Variants in ALKBH7 observed in about 807,000 individuals in gnomAD.
ALKBH7 encodes the protein RNA demethylase ALKBH7, mitochondrial.
In ALKBH7, 21 loss-of-function variants were observed where a neutral mutation model predicts 19.3. That is an observed-to-expected ratio of 1.09 (90% CI 0.77 to 1.56). The LOEUF (loss-of-function observed/expected upper bound fraction) is 1.56. Ranked by LOEUF, ALKBH7 falls within the 40% of genes most tolerant of loss-of-function variation. The pLI is 0.00. For synonymous variants in ALKBH7, 147 were observed against 139.5 expected, an observed-to-expected ratio of 1.05 and a Z score of -0.38; for missense variants, 354 against 311.4, an observed-to-expected ratio of 1.14 and a Z score of -1.03.
chr19:6,373,580 C>T, intron 1 of ALKBH7: 1 of 1,047,300 alleles, frequency 9.5e-7, no homozygotes, highest in Non-Finnish European at 1.2e-6. Context: ...ATGGATGGGG[C>T]GGGGCCAAGC....
In ALKBH7 at chr19:6,373,014, A is replaced by T; in HGVS notation, c.194A>T (p.His65Leu). The stretch of plus-strand genomic sequence containing the variant: ...CGCCGCCGCCGCTACGAATACGATC[A>T]CTGGGACGCGGTGAGACCGGCAGCG... The part of the protein sequence containing the change: ...ELRRRRYEYD[H>L]WDAAIHGFRE... Residue 65 changes from histidine to leucine, a missense_variant, in exon 1 of 4, where the codon CAC becomes CTC. Physicochemically the swap from His to Leu is moderately conservative, Grantham distance 99. Transcript: ENST00000245812. 6.4e-7 allele frequency: 1 copy of T among 1,570,200 alleles called. No individual in the cohort carries two copies. Among genetic ancestry groups the T allele is most frequent in the Non-Finnish European group, 8.6e-7 (1 of 1,160,416 alleles).
chr19:6,374,025 C>G (rs2145062322), intron 1 of ALKBH7, 178 bp from the exon 2 acceptor site: 1 of 985,202 alleles, frequency 1.0e-6, no homozygotes, highest in East Asian at 1.1e-4. Flanking sequence ...AGGGTGAGTA[C>G]TAAGGACTGA....
chr19:6,373,029 G>T lies in ALKBH7; in HGVS notation c.204+5G>T. On this transcript the variant is annotated splice_donor_5th_base_variant and intron_variant, in intron 1 of 3. Coordinates refer to ENST00000245812, the MANE Select transcript of ALKBH7 (RefSeq NM_032306.4). ...GAATACGATCACTGGGACGCGGTGA[G>T]ACCGGCAGCGCCGGGGGCGAGGGAC... 1 of 1,558,364 alleles carries T rather than the reference G, an allele frequency of 6.4e-7. No individual in the cohort carries two copies. Among genetic ancestry groups the T allele is most frequent in the Non-Finnish European group, 8.7e-7 (1 of 1,154,268 alleles).
intron 1 of ALKBH7, 23 bp from the exon 2 acceptor site, chr19:6,374,180 G>A (rs370169468): frequency 3.7e-6 from 6 of 1,604,876 alleles, no homozygotes; most frequent in Non-Finnish European, 5.1e-6. Context: ...GAGCTCCCAG[G>A]CTTAACCGAG....
rs761707148 is a variant in ALKBH7, at chr19:6,374,861, CCTT to C, written c.558_560del (p.Phe187del). ...CATGAGATCCTTCGGGATGAAGAGT[CCTT>C]CTTTGGGGAACGCCGGATTCCCCGG... On this transcript the variant is annotated inframe_deletion, in exon 4 of 4. Coordinates refer to ENST00000245812, the MANE Select transcript of ALKBH7 (RefSeq NM_032306.4). 1.1e-5 allele frequency: 18 copies of C among 1,613,998 alleles called. No individual in the cohort carries two copies. The highest frequency in any genetic ancestry group is 9.3e-5 in the African/African-American group (7 of 74,942).
chr19:6,374,089 G>T, intron 1 of ALKBH7, 114 bp from the exon 2 acceptor site: 1 of 1,554,320 alleles, frequency 6.4e-7, no homozygotes, highest in Non-Finnish European at 8.7e-7. Context: ...TGAGTTGAGG[G>T]CAGGGTCAAG....
chr19:6,373,644 G>T (rs565216357), intron 1 of ALKBH7: 3 of 1,250,118 alleles, frequency 2.4e-6, no homozygotes, highest in East Asian at 3.2e-5. Context: ...CCATGCTGTG[G>T]GGGGGACGGG....
chr19:6,373,030 A>AC lies in ALKBH7; in HGVS notation c.204+8dup, dbSNP rs1364508709. On this transcript the variant is annotated splice_region_variant and intron_variant, in intron 1 of 3. Coordinates refer to ENST00000245812, the MANE Select transcript of ALKBH7 (RefSeq NM_032306.4). Reference sequence around the variant, plus strand: ...AATACGATCACTGGGACGCGGTGAGACCGGCAGCGCCGGGGGCGAGGGACG... The same window carrying AC: ...AATACGATCACTGGGACGCGGTGAGACCCGGCAGCGCCGGGGGCGAGGGACG... 4.3e-5 allele frequency: 67 copies of AC among 1,557,946 alleles called. No individual in the cohort carries two copies. In the Admixed American group the frequency reaches 6.5e-4, roughly 15 times the overall value.
In ALKBH7 at chr19:6,374,467, C is replaced by T. The variant is rs2145063122; in HGVS notation, c.381C>T (p.Phe127=). The T allele has an allele frequency of 6.2e-7, 1 of 1,613,654 alleles. No homozygotes were observed. The stretch of plus-strand genomic sequence containing the variant: ...CCATCCCCACGCCTCTTTTGCAGTT[C>T]TGCGGGGCCACCATCGCCGGCCTGT... The part of the protein sequence containing the change: ...YIKPHVDSIK[F]CGATIAGLSL... Residue 127 remains phenylalanine (F), a splice_region_variant and synonymous_variant, in exon 3 of 4, where the codon TTC becomes TTT. Coordinates refer to ENST00000245812, the MANE Select transcript of ALKBH7 (RefSeq NM_032306.4).
chr19:6,373,743 G>A, intron 1 of ALKBH7: 1 of 1,261,784 alleles, frequency 7.9e-7, no homozygotes, highest in Non-Finnish European at 9.9e-7. Context: ...TTTTGGGGTC[G>A]GTAGCTATTG....
chr19:6,373,647 G>C (rs1021778634), intron 1 of ALKBH7: 2 of 1,250,116 alleles, frequency 1.6e-6, no homozygotes, highest in African/African-American at 3.1e-5. Flanking sequence ...TGCTGTGGGG[G>C]GGACGGGGAA....
rs1172272489 is a variant in ALKBH7, at chr19:6,374,382, C to T, written c.378+6C>T. On this transcript the variant is annotated splice_donor_region_variant and intron_variant, in intron 2 of 3. Transcript: ENST00000245812. ...CCCACGTGGACAGCATCAAGGTGGG[C>T]AGAGGACGGTGCCTTGGCACTCCCA... 4.4e-6 allele frequency: 7 copies of T among 1,606,004 alleles called. No individual in the cohort carries two copies. The highest frequency in any genetic ancestry group is 6.0e-6 in the Non-Finnish European group (7 of 1,175,674).
At chr19:6,373,454 C>T in intron 1 of ALKBH7, 1 of 212,530 alleles carries the variant, frequency 4.7e-6, no homozygotes, top group Non-Finnish European at 7.3e-6. Context: ...CGCAGTCGAG[C>T]GTGGGGGTGG....
rs769699986 is a variant in ALKBH7 at position 6,374,308 on chromosome 19, C to T, written c.310C>T (p.Leu104Phe). ...CGCCTTTGGCCCCGGCCAGACCCTG[C>T]TCTCCTCCGTGCACGTGCTGGACCT... is the stretch of plus-strand genomic sequence containing the variant. ...AAAFGPGQTLLSSVHVLDLEA... is the reference protein window; with the variant it reads ...AAAFGPGQTLFSSVHVLDLEA... The change falls in exon 2 of 4, where the codon CTC (leucine) becomes TTC (phenylalanine). Residue 104 changes from leucine (L) to phenylalanine (F), a missense_variant. Coordinates refer to ENST00000245812, the MANE Select transcript of ALKBH7 (RefSeq NM_032306.4). 4 of 1,613,072 alleles carry T rather than the reference C, an allele frequency of 2.5e-6. No individual in the cohort carries two copies. The East Asian group carries it at 8.9e-5, about 36-fold the overall frequency.
At position 6,374,377 on chromosome 19, in the gene ALKBH7, G is replaced by T; in HGVS notation, c.378+1G>T. 2.5e-6 allele frequency: 4 copies of T among 1,607,092 alleles called. No individual in the cohort carries two copies. Among genetic ancestry groups the T allele is most frequent in the Non-Finnish European group, 3.4e-6 (4 of 1,176,438 alleles). On this transcript the variant is annotated splice_donor_variant, in intron 2 of 3. Transcript: ENST00000245812. LOFTEE classifies it high-confidence loss of function. ...CAAGCCCCACGTGGACAGCATCAAG[G>T]TGGGCAGAGGACGGTGCCTTGGCAC...
chr19:6,374,524 G>A lies in ALKBH7; in HGVS notation c.438G>A (p.Val146=). ...SLLSPSVMRL[V]HTQEPGEWLE... ...TGTCTCCCAGCGTTATGCGGCTGGT[G>A]CACACCCAGGAGCCGGGGGAGTGGC... The change falls in exon 3 of 4, where the codon GTG becomes GTA. Residue 146 remains valine (V), a synonymous_variant. Coordinates refer to ENST00000245812, the MANE Select transcript of ALKBH7 (RefSeq NM_032306.4). The A allele has an allele frequency of 6.2e-7, 1 of 1,614,018 alleles. No individual in the cohort carries two copies. Among genetic ancestry groups the A allele is most frequent in the Non-Finnish European group, 8.5e-7 (1 of 1,179,966 alleles).
At chr19:6,373,685 G>A in intron 1 of ALKBH7, 1 of 1,249,944 alleles carries the variant, frequency 8.0e-7, no homozygotes, top group Non-Finnish European at 1.0e-6. Context: ...GCAGAACCAC[G>A]CTGGGGGCGG....
chr19:6,373,381 GGGGC>G (rs2091901985), intron 1 of ALKBH7: 1 of 459,396 alleles, frequency 2.2e-6, no homozygotes, highest in South Asian at 3.4e-5. Context: ...GGCCACGCTG[GGGGC>G]GGGGACAGTG....
rs368491544 is a variant in ALKBH7 at position 6,374,975 on chromosome 19, C to T, written c.*2C>T. 1.0e-4 allele frequency: 162 copies of T among 1,588,644 alleles called. No individual in the cohort carries two copies. The highest frequency in any genetic ancestry group is 1.3e-4 in the Non-Finnish European group (157 of 1,164,924). On this transcript the variant is annotated 3_prime_UTR_variant, in exon 4 of 4. Coordinates refer to ENST00000245812, the MANE Select transcript of ALKBH7 (RefSeq NM_032306.4). ...GGACAGCCGCCCCCAGCCTGCTGAC[C>T]CCCAGCTTTCTACAGACACCAGATT...
Sources: gnomAD v4.1 joint callset for allele counts on GRCh38, gnomAD v4.1.1 for gene constraint, MANE v1.5 for transcripts, NCBI Gene and HGNC (gene_info 2026-07-23, HGNC 2026-07-21) for gene names.